PHRF1: variants seen among roughly 807,000 people sequenced by gnomAD.
PHRF1 encodes the protein PHD and RING finger domain-containing protein 1.
Under a neutral mutation model 128.9 loss-of-function variants are expected in PHRF1, and 53 were observed. That is an observed-to-expected ratio of 0.41 (90% CI 0.33 to 0.52). The LOEUF (loss-of-function observed/expected upper bound fraction) is 0.52, where lower values mean the gene tolerates loss of function less well. Among genes scored for constraint, PHRF1 ranks in the 20% least tolerant of loss-of-function variants. The pLI is 0.21. For missense variants in PHRF1, 2,503 were observed against 2,284.5 expected (o/e 1.10, Z -1.95); for synonymous variants, 1,178 against 980.6 (o/e 1.20, Z -3.76).
chr11:581,680 C>T, intron 2 of PHRF1, 74 bp downstream of exon 2: 4 of 1,353,864 alleles, frequency 3.0e-6, no homozygotes, highest in East Asian at 2.5e-5. Context: ...TGGAGGTCGT[C>T]TGTGTGTGTC....
intron 17 of PHRF1, 49 bp from the exon 18 acceptor site, chr11:611,585 G>A (rs1190481948): frequency 6.2e-7 from 1 of 1,610,960 alleles, no homozygotes; most frequent in Admixed American, 1.7e-5. Flanking sequence ...CTCTGGCCCG[G>A]AACATCTGGA....
In PHRF1 at chr11:607,055, T is replaced by A. The variant is rs1259598438; in HGVS notation, c.1610-11T>A. 6.5e-7 allele frequency: 1 copy of A among 1,547,264 alleles called. No homozygotes were observed. Among genetic ancestry groups the A allele is most frequent in the South Asian group, 1.2e-5 (1 of 84,012 alleles). ...TGGGAAATGATTGCCATTGACTTTT[T>A]TGTTTTTTAGCTCCAGTTTCTTTTC... On this transcript the variant is annotated splice_polypyrimidine_tract_variant and intron_variant, in intron 13 of 17. Coordinates refer to ENST00000264555, the MANE Select transcript of PHRF1 (RefSeq NM_001286581.2).
rs1260685528 is a variant in PHRF1 at position 602,944 on chromosome 11, T to G, written c.1152+1243T>G. On this transcript the variant is annotated intron_variant, in intron 10 of 17. Coordinates refer to ENST00000264555, the MANE Select transcript of PHRF1 (RefSeq NM_001286581.2). The stretch of plus-strand genomic sequence containing the variant: ...CGCCCAGCTAATTTTTGTATTTTTA[T>G]TAGAGATAGGGTTTCACCATGTTGA... 2.0e-5 allele frequency among the ~76,000 whole-genome samples: 3 copies of G among 151,902 alleles called. No homozygotes were observed. The East Asian group carries it at 5.9e-4, about 30-fold the overall frequency.
At chr11:587,602 T>C in intron 4 of PHRF1, 138 bp downstream of exon 4, 1 of 867,136 alleles carries the variant, frequency 1.2e-6, no homozygotes, top group Non-Finnish European at 1.8e-6. Flanking sequence ...GGATTGAGTC[T>C]GGCTTGGTCT....
At position 605,734 on chromosome 11, in the gene PHRF1, G is replaced by A; in HGVS notation, c.1454+10G>A. 6.2e-7 allele frequency: 1 copy of A among 1,604,390 alleles called. No homozygotes were observed. Among genetic ancestry groups the A allele is most frequent in the Non-Finnish European group, 8.5e-7 (1 of 1,178,070 alleles). On this transcript the variant is annotated intron_variant, in intron 12 of 17. Coordinates refer to ENST00000264555, the MANE Select transcript of PHRF1 (RefSeq NM_001286581.2). ...CCGTGGGGCTTTCCAGGTGTGTGAG[G>A]GCAGAGGCTTCTGGGGAGGTGGGGG... is the stretch of plus-strand genomic sequence containing the variant.
At chr11:611,340 C>T (rs1384127172) in intron 17 of PHRF1, among the ~76,000 whole-genome samples, 1 of 152,186 alleles carries the variant, frequency 6.6e-6, no homozygotes, top group Non-Finnish European at 1.5e-5. Flanking sequence ...AGCCCACGCC[C>T]AGCTTACAGG....
intron 3 of PHRF1, among the ~76,000 whole-genome samples, chr11:584,092 T>C (rs569418006): frequency 1.3e-5 from 2 of 152,372 alleles, no homozygotes; most frequent in African/African-American, 4.8e-5. Context: ...ACTCATGGCC[T>C]GAGCCAATGT....
At chr11:592,763 A>G in intron 6 of PHRF1, 89 bp downstream of exon 6, 1 of 1,405,256 alleles carries the variant, frequency 7.1e-7, no homozygotes, top group Non-Finnish European at 1.0e-6. Context: ...TCGCTCTGTG[A>G]AGTCTGAGTC....
At chr11:609,882 TG>T (rs1300770633) in intron 14 of PHRF1, among the ~76,000 whole-genome samples, 162 bp downstream of exon 14, 2 of 151,110 alleles carry the variant, frequency 1.3e-5, no homozygotes, top group Non-Finnish European at 3.0e-5. Context: ...GAGCCCCCTG[TG>T]AATCTGACTC....
chr11:612,014 GAC>G lies in PHRF1; in HGVS notation c.*240_*241del. ...GACACTTTTGTATGTATATTATAGA[GAC>G]ACTGTTTCCATTCTAATTTATCAAA... On this transcript the variant is annotated 3_prime_UTR_variant, in exon 18 of 18. Transcript: ENST00000264555. 1.8e-6 allele frequency: 1 copy of G among 556,234 alleles called. No individual in the cohort carries two copies. The highest frequency in any genetic ancestry group is 3.1e-6 in the Non-Finnish European group (1 of 324,138). 34.5% of individuals were successfully genotyped at this position (556,234 alleles called of 1,614,324 possible).
chr11:609,041 G>C lies in PHRF1; in HGVS notation c.3585G>C (p.Lys1195Asn), dbSNP rs1428238575. ...CCCGGTCCCATTCCCCAGAGAGGAA[G>C]GGGGCTGTGAGGGAGGCTTCCCCAG... ...PQTRSHSPERKGAVREASPAP... is the reference protein window; with the variant it reads ...PQTRSHSPERNGAVREASPAP... Residue 1195 changes from lysine to asparagine, a missense_variant, in exon 14 of 18, where the codon AAG becomes AAC. Physicochemically the swap from Lys to Asn is moderately conservative, Grantham distance 94 (BLOSUM62 0). Coordinates refer to ENST00000264555, the MANE Select transcript of PHRF1 (RefSeq NM_001286581.2). 3 of 1,595,044 alleles carry C rather than the reference G, an allele frequency of 1.9e-6. No individual in the cohort carries two copies. The highest frequency in any genetic ancestry group is 2.6e-6 in the Non-Finnish European group (3 of 1,171,456).
At chr11:604,406 A>G (rs954460360) in intron 10 of PHRF1, among the ~76,000 whole-genome samples, 1 of 152,272 alleles carries the variant, frequency 6.6e-6, no homozygotes, top group Non-Finnish European at 1.5e-5. Flanking sequence ...CGCTCTGCCT[A>G]GAATCAGAAG....
intron 11 of PHRF1, 74 bp from the exon 12 acceptor site, chr11:605,531 T>A (rs1260940285): frequency 6.3e-7 from 1 of 1,580,680 alleles, no homozygotes; most frequent in African/African-American, 1.3e-5. Flanking sequence ...TCCTCCTCCG[T>A]GCCGTCTCCC....
rs1212802567 is a variant in PHRF1 at position 611,628 on chromosome 11, C to T, written c.4807-6C>T. 6.2e-7 allele frequency: 1 copy of T among 1,612,910 alleles called. No individual in the cohort carries two copies. The highest frequency in any genetic ancestry group is 8.5e-7 in the Non-Finnish European group (1 of 1,179,818). On this transcript the variant is annotated splice_polypyrimidine_tract_variant and splice_region_variant and intron_variant, in intron 17 of 17. Transcript: ENST00000264555. ...GGGCATTTGGTGATTGCACCTCTTTCTCCAGATCTGCCACAGCAAGAGTGG... is the reference window on the plus strand; with the variant it reads ...GGGCATTTGGTGATTGCACCTCTTTTTCCAGATCTGCCACAGCAAGAGTGG...
rs749062282 is a variant in PHRF1, at chr11:607,636, C to T, written c.2180C>T (p.Thr727Ile). Residue 727 changes from threonine (T) to isoleucine (I), a missense_variant, in exon 14 of 18, where the codon ACA (threonine) becomes ATA (isoleucine). Transcript: ENST00000264555. ...GGCACCGGGCAGCCAGGGCGAGGCACACGGGCAGAGAGCGAGGCCAGCAGC... is the reference window on the plus strand; with the variant it reads ...GGCACCGGGCAGCCAGGGCGAGGCATACGGGCAGAGAGCGAGGCCAGCAGC... ...REGTGQPGRG[T>I]RAESEASSRV... 2 of 1,611,962 alleles carry T rather than the reference C, an allele frequency of 1.2e-6. No homozygotes were observed. Among genetic ancestry groups the T allele is most frequent in the East Asian group, 2.2e-5 (1 of 44,838 alleles).
rs200310178 is a variant in PHRF1 at position 610,513 on chromosome 11, G to T, written c.4429G>T (p.Gly1477Cys). The stretch of plus-strand genomic sequence containing the variant: ...GTGTCCCTCCCAGGTTTACAGCCCC[G>T]GCCTGCCGCCTGCCCCGGCCCAGCC... Reference protein sequence around the residue: ...DTDPSQVYSPGLPPAPAQPSS... With the variant: ...DTDPSQVYSPCLPPAPAQPSS... The change falls in exon 16 of 18, where the codon GGC becomes TGC. Residue 1477 changes from glycine to cysteine, a missense_variant. Transcript: ENST00000264555. 6.2e-7 allele frequency: 1 copy of T among 1,603,684 alleles called. No individual in the cohort carries two copies. The highest frequency in any genetic ancestry group is 2.2e-5 in the East Asian group (1 of 44,778).
At chr11:606,400 G>A (rs375660586) in intron 12 of PHRF1, 42 bp from the exon 13 acceptor site, 12 of 1,514,074 alleles carry the variant, frequency 7.9e-6, no homozygotes, top group South Asian at 4.8e-5. Flanking sequence ...CCCTCAGGCC[G>A]TGGGAGGCAG....
At chr11:588,575 C>T (rs900638984) in intron 4 of PHRF1, among the ~76,000 whole-genome samples, 1 of 151,896 alleles carries the variant, frequency 6.6e-6, no homozygotes, top group Admixed American at 6.6e-5. Flanking sequence ...GACAGGGTTT[C>T]ACCATGTTGG....
Position 605,317 on chromosome 11 carries a change from T to C in PHRF1, c.1334+17T>C. On this transcript the variant is annotated intron_variant, in intron 11 of 17. Coordinates refer to ENST00000264555, the MANE Select transcript of PHRF1 (RefSeq NM_001286581.2). Reference sequence around the variant, plus strand: ...CTTCGACAGGTGAGTGAACTGGTGATGGTCCTGCCTGGGCACCCGCTCCTC... The same window carrying C: ...CTTCGACAGGTGAGTGAACTGGTGACGGTCCTGCCTGGGCACCCGCTCCTC... The C allele has an allele frequency of 6.2e-7, 1 of 1,608,248 alleles. No individual in the cohort carries two copies. Among genetic ancestry groups the C allele is most frequent in the Non-Finnish European group, 8.5e-7 (1 of 1,175,750 alleles).
Sources: allele counts gnomAD v4.1 joint callset (sites outside exome capture counted in the v4.1 genomes callset), GRCh38; gene constraint gnomAD v4.1.1; transcripts MANE v1.5; gene names NCBI Gene and HGNC (gene_info 2026-07-23, HGNC 2026-07-21).